The following RNF180 variants were observed in gnomAD, a reference collection of about 807,000 sequenced individuals.
The protein encoded by RNF180 is E3 ubiquitin-protein ligase RNF180.
Under a neutral mutation model 59.2 loss-of-function variants are expected in RNF180, and 38 were observed. The ratio of observed to expected loss-of-function variants is 0.64; its 90% CI spans 0.50 to 0.84. The LOEUF (loss-of-function observed/expected upper bound fraction) is 0.84, where lower values mean the gene tolerates loss of function less well. Among genes scored for constraint, RNF180 ranks in the 40% least tolerant of loss-of-function variants. The pLI, the probability that RNF180 is intolerant of heterozygous loss-of-function variation, is 0.00. For missense variants in RNF180, 705 were observed against 700.9 expected, an observed-to-expected ratio of 1.01 and a Z score of -0.07; for synonymous variants, 262 against 240.3, an observed-to-expected ratio of 1.09 and a Z score of -0.84.
At chr5:64,244,058 G>C (rs1250558410) in intron 5 of RNF180, among the ~76,000 whole-genome samples, 1 of 152,134 alleles carries the variant, frequency 6.6e-6, no homozygotes, top group Admixed American at 6.5e-5. Context: ...TCAACAAAAA[G>C]GACGTTCACG....
intron 7 of RNF180, among the ~76,000 whole-genome samples, chr5:64,346,708 C>A (rs910832864): frequency 1.6e-4 from 24 of 151,976 alleles, no homozygotes; most frequent in Admixed American, 1.5e-3. Flanking sequence ...TTGACTAAGT[C>A]CCAATGCCCA....
chr5:64,345,092 TA>T (rs1315013395), intron 7 of RNF180, among the ~76,000 whole-genome samples: 2 of 152,210 alleles, frequency 1.3e-5, no homozygotes, highest in African/African-American at 2.4e-5. Flanking sequence ...AGGTATAACT[TA>T]AAAATGTATA....
Position 64,372,667 on chromosome 5 carries a change from G to A in RNF180, c.*2853G>A, listed in dbSNP as rs1746693172. On this transcript the variant is annotated 3_prime_UTR_variant, in exon 8 of 8. Coordinates refer to ENST00000389100, the MANE Select transcript of RNF180 (RefSeq NM_001113561.2). ...CATTCTCTGATTAAATGCAATTACA[G>A]TTGGAGTCTTTGATTCTTCACAGAA... 1 of 151,914 alleles carries A rather than the reference G, an allele frequency of 6.6e-6. No individual in the cohort carries two copies. The highest frequency in any genetic ancestry group is 1.5e-5 in the Non-Finnish European group (1 of 67,908). 9.4% of individuals were successfully genotyped at this position (151,914 alleles called of 1,614,324 possible).
intron 2 of RNF180, among the ~76,000 whole-genome samples, chr5:64,204,828 C>T (rs1330476905): frequency 6.6e-6 from 1 of 152,160 alleles, no homozygotes; most frequent in Non-Finnish European, 1.5e-5. Context: ...CATTTACCCT[C>T]ATACTGAGGT....
Position 64,369,644 on chromosome 5 carries a change from A to G in RNF180, c.1609A>G (p.Arg537Gly). ...GFRRHAAPVTRRQFPHGAHRM... is the reference protein window; with the variant it reads ...GFRRHAAPVTGRQFPHGAHRM... Reference sequence around the variant, plus strand: ...CCGCAGACATGCAGCTCCAGTTACAAGAAGGCAGTTCCCACACGGTGCACA... The same window carrying G: ...CCGCAGACATGCAGCTCCAGTTACAGGAAGGCAGTTCCCACACGGTGCACA... The change falls in exon 8 of 8, where the codon AGA becomes GGA. Residue 537 changes from arginine (R) to glycine (G), a missense_variant. Arg to Gly is a moderately radical substitution (Grantham distance 125). Transcript: ENST00000389100. 6.6e-7 allele frequency: 1 copy of G among 1,526,386 alleles called. No individual in the cohort carries two copies. Among genetic ancestry groups the G allele is most frequent in the Non-Finnish European group, 8.8e-7 (1 of 1,138,946 alleles). 94.6% of individuals were successfully genotyped at this position (1,526,386 alleles called of 1,614,324 possible).
At chr5:64,256,536 G>C (rs1015706308) in intron 5 of RNF180, among the ~76,000 whole-genome samples, 4 of 152,064 alleles carry the variant, frequency 2.6e-5, no homozygotes, top group Non-Finnish European at 5.9e-5. Context: ...ATTTCTGAGG[G>C]CTCTGTTCTG....
At chr5:64,276,094 G>C (rs1443892231) in intron 5 of RNF180, among the ~76,000 whole-genome samples, 2 of 152,042 alleles carry the variant, frequency 1.3e-5, no homozygotes, top group Non-Finnish European at 2.9e-5. Flanking sequence ...ACTATGTGTT[G>C]AGCATAAGGG....
At position 64,213,958 on chromosome 5, in the gene RNF180, T is replaced by A. The variant is rs779788263; in HGVS notation, c.632T>A (p.Val211Asp). The A allele has an allele frequency of 6.2e-7, 1 of 1,614,068 alleles. No individual in the cohort carries two copies. Among genetic ancestry groups the A allele is most frequent in the Non-Finnish European group, 8.5e-7 (1 of 1,180,016 alleles). Residue 211 changes from valine (V) to aspartate (D), a missense_variant, in exon 4 of 8, where the codon GTT becomes GAT. Coordinates refer to ENST00000389100, the MANE Select transcript of RNF180 (RefSeq NM_001113561.2). ...KASEPKYQLF[V>D]PQLVTGRCAT... ...TCAGAACCAAAATACCAGCTTTTTG[T>A]TCCCCAGCTTGTGACTGGCAGATGC...
chr5:64,191,541 T>A (rs1043853771), intron 1 of RNF180, among the ~76,000 whole-genome samples: 4 of 152,184 alleles, frequency 2.6e-5, no homozygotes, highest in Non-Finnish European at 1.5e-5. Context: ...TCTTTACTAT[T>A]CTGATAGAAA....
At chr5:64,331,131 C>T (rs1744888591) in intron 7 of RNF180, among the ~76,000 whole-genome samples, 1 of 152,232 alleles carries the variant, frequency 6.6e-6, no homozygotes, top group Non-Finnish European at 1.5e-5. Context: ...CCACTCCAAA[C>T]TCTGGGTGCT....
At chr5:64,298,373 G>T (rs1235396627) in intron 5 of RNF180, among the ~76,000 whole-genome samples, 1 of 151,858 alleles carries the variant, frequency 6.6e-6, no homozygotes, top group Non-Finnish European at 1.5e-5. Flanking sequence ...TATAGTTTTT[G>T]TGTTTTATAT....
At chr5:64,290,563 T>G (rs1742526231) in intron 5 of RNF180, among the ~76,000 whole-genome samples, 1 of 152,238 alleles carries the variant, frequency 6.6e-6, no homozygotes, top group South Asian at 2.1e-4. Flanking sequence ...AGTGTTCCTT[T>G]ATTGGGTACA....
At chr5:64,267,667 A>G (rs377104517) in intron 5 of RNF180, among the ~76,000 whole-genome samples, 1 of 152,182 alleles carries the variant, frequency 6.6e-6, no homozygotes, top group Non-Finnish European at 1.5e-5. Flanking sequence ...CCATGTCCCT[A>G]CAAAGGACAT....
intron 5 of RNF180, among the ~76,000 whole-genome samples, chr5:64,268,161 G>A (rs1052456113): frequency 3.3e-5 from 5 of 152,100 alleles, no homozygotes; most frequent in Non-Finnish European, 7.4e-5. Context: ...AGGTGGTGAT[G>A]GTGAAGTTCA....
At chr5:64,168,411 A>C (rs1197488144) in intron 1 of RNF180, among the ~76,000 whole-genome samples, 1 of 152,224 alleles carries the variant, frequency 6.6e-6, no homozygotes, top group Non-Finnish European at 1.5e-5. Context: ...CCTTCCCAGA[A>C]GTCTACTACA....
intron 5 of RNF180, among the ~76,000 whole-genome samples, chr5:64,307,720 A>T (rs1743548691): frequency 6.6e-6 from 1 of 151,798 alleles, no homozygotes; most frequent in Non-Finnish European, 1.5e-5. Context: ...AAATCATCTA[A>T]CATAAAGCCT....
chr5:64,191,179 C>T (rs1484351168), intron 1 of RNF180, among the ~76,000 whole-genome samples: 1 of 152,122 alleles, frequency 6.6e-6, no homozygotes, highest in Non-Finnish European at 1.5e-5. Context: ...CAGAAAGTTA[C>T]AGAAAGTTCC....
intron 4 of RNF180, among the ~76,000 whole-genome samples, chr5:64,217,018 G>A (rs559361943): frequency 6.6e-6 from 1 of 152,146 alleles, no homozygotes; most frequent in African/African-American, 2.4e-5. Context: ...CCTAATCCCT[G>A]AAAACCACTG....
At chr5:64,179,237 A>T (rs1234480529) in intron 1 of RNF180, among the ~76,000 whole-genome samples, 1 of 152,194 alleles carries the variant, frequency 6.6e-6, no homozygotes, top group Admixed American at 6.5e-5. Flanking sequence ...TTTCAAATTT[A>T]CGATATAGAG....
Sources: gnomAD v4.1 joint callset for allele counts (sites outside exome capture counted in the v4.1 genomes callset) on GRCh38, gnomAD v4.1.1 for gene constraint, MANE v1.5 for transcripts, NCBI Gene and HGNC (gene_info 2026-07-23, HGNC 2026-07-21) for gene names.